PALM2AKAP2: variants seen among roughly 807,000 people sequenced by gnomAD.
PALM2AKAP2 encodes the protein PALM2 and AKAP2 fusion.
A neutral mutation model predicts 71.5 loss-of-function variants in PALM2AKAP2; 37 were observed. The observed-to-expected ratio is 0.52, with a 90% CI of 0.40 to 0.68. PALM2AKAP2 has a LOEUF of 0.68. PALM2AKAP2 is among the 30% of genes least tolerant of loss of function. PALM2AKAP2 has a pLI of 0.00. For synonymous variants in PALM2AKAP2, 468 were observed against 478.8 expected, an observed-to-expected ratio of 0.98 and a Z score of 0.29; for missense variants, 1,224 against 1,191.8, an observed-to-expected ratio of 1.03 and a Z score of -0.40.
chr9:110,094,980 GCCT>G (rs1179140698), intron 1 of PALM2AKAP2, among the ~76,000 whole-genome samples: 1 of 152,210 alleles, frequency 6.6e-6, no homozygotes, highest in Admixed American at 6.5e-5. Context: ...CTATTTGGCT[GCCT>G]CTGGCAAAAA....
At chr9:109,842,575 A>G (rs1828726945) in intron 1 of PALM2AKAP2, among the ~76,000 whole-genome samples, 1 of 152,214 alleles carries the variant, frequency 6.6e-6, no homozygotes, top group African/African-American at 2.4e-5. Flanking sequence ...TCTATAATGA[A>G]CAATATCCAC....
At chr9:109,781,527 T>C (rs1401472908) in intron 1 of PALM2AKAP2, among the ~76,000 whole-genome samples, 1 of 152,248 alleles carries the variant, frequency 6.6e-6, no homozygotes, top group Non-Finnish European at 1.5e-5. Flanking sequence ...GGAGAAATAG[T>C]GTGTAATGTT....
At chr9:109,790,462 T>G (rs1325312860) in intron 1 of PALM2AKAP2, among the ~76,000 whole-genome samples, 1 of 152,228 alleles carries the variant, frequency 6.6e-6, no homozygotes, top group Non-Finnish European at 1.5e-5. Flanking sequence ...AAAAACATGC[T>G]TGAAAACTTA....
intron 3 of PALM2AKAP2, among the ~76,000 whole-genome samples, chr9:109,881,175 G>C (rs1829840355): frequency 6.6e-6 from 1 of 152,150 alleles, no homozygotes. Context: ...TAAGGATAAT[G>C]GCCTCCACCT....
chr9:110,143,868 T>C (rs1250594497), intron 2 of PALM2AKAP2, among the ~76,000 whole-genome samples: 1 of 152,260 alleles, frequency 6.6e-6, no homozygotes, highest in African/African-American at 2.4e-5. Context: ...TGTCTTCTAA[T>C]TTGTGGAAAG....
intron 1 of PALM2AKAP2, among the ~76,000 whole-genome samples, chr9:109,718,120 G>A (rs778689664): frequency 3.3e-5 from 5 of 151,094 alleles, no homozygotes; most frequent in African/African-American, 4.9e-5. Context: ...TCATTCTGTC[G>A]CCCAGGCTGG....
intron 1 of PALM2AKAP2, among the ~76,000 whole-genome samples, chr9:110,105,670 A>G (rs1048351405): frequency 3.9e-5 from 6 of 152,228 alleles, no homozygotes; most frequent in African/African-American, 1.4e-4. Flanking sequence ...AGCTAATGAG[A>G]TGCCTAAGTA....
chr9:109,708,172 T>C lies in PALM2AKAP2; in HGVS notation c.5+67306T>C, dbSNP rs143967954. ...AACAGCTGATGATGACTCCCTACTG[T>C]TTAGGTGATCAGACCTCAGGAAGGT... On this transcript the variant is annotated intron_variant, in intron 1 of 6. Transcript: ENST00000374531. 4.8e-3 allele frequency among the ~76,000 whole-genome samples: 735 copies of C among 152,336 alleles called. 7 individuals carry two copies. Among genetic ancestry groups the C allele is most frequent in the African/African-American group, 0.017 (705 of 41,570 alleles).
At chr9:110,088,712 T>G (rs397832364) in intron 1 of PALM2AKAP2, among the ~76,000 whole-genome samples, 7,963 of 79,714 alleles carry the variant, frequency 0.1, 485 homozygotes, top group South Asian at 0.13. Flanking sequence ...TGTTTTTTTT[T>G]TTTTTTTTTT....
chr9:109,697,602 T>C (rs527257830), intron 1 of PALM2AKAP2, among the ~76,000 whole-genome samples: 10 of 152,298 alleles, frequency 6.6e-5, no homozygotes, highest in East Asian at 1.9e-4. Context: ...ATATCATTTA[T>C]CAGAAATATT....
chr9:109,887,555 G>A (rs1172516028), intron 3 of PALM2AKAP2, among the ~76,000 whole-genome samples: 1 of 151,986 alleles, frequency 6.6e-6, no homozygotes, highest in Non-Finnish European at 1.5e-5. Context: ...TCTGGGTAGC[G>A]GCCTAGCTTT....
chr9:109,863,595 G>A (rs1829369816), intron 1 of PALM2AKAP2, among the ~76,000 whole-genome samples: 1 of 152,300 alleles, frequency 6.6e-6, no homozygotes, highest in South Asian at 2.1e-4. Flanking sequence ...CCTGGTTAAG[G>A]GAAGGAGAAA....
chr9:109,847,130 G>GT (rs1828878448), intron 1 of PALM2AKAP2, among the ~76,000 whole-genome samples: 2 of 146,318 alleles, frequency 1.4e-5, no homozygotes, highest in African/African-American at 4.9e-5. Context: ...TTGGAAGAGG[G>GT]GTTTTTTTTT....
chr9:109,641,866 C>T (rs998126424), intron 1 of PALM2AKAP2, among the ~76,000 whole-genome samples: 1 of 152,182 alleles, frequency 6.6e-6, no homozygotes, highest in Non-Finnish European at 1.5e-5. Flanking sequence ...TATCCCTCTG[C>T]GTATCTGATT....
intron 1 of PALM2AKAP2, among the ~76,000 whole-genome samples, chr9:110,074,584 A>T (rs76308547): frequency 0.013 from 2,025 of 152,354 alleles, 36 homozygotes; most frequent in African/African-American, 0.047. Context: ...TTGAAGTATT[A>T]GGAATAACGA....
chr9:109,730,726 G>C (rs937507596), intron 1 of PALM2AKAP2, among the ~76,000 whole-genome samples: 2 of 152,086 alleles, frequency 1.3e-5, no homozygotes, highest in Non-Finnish European at 2.9e-5. Context: ...AGTCCTTAAG[G>C]AATGATAATC....
chr9:109,742,251 TCACACA>T (rs72323941), intron 1 of PALM2AKAP2, among the ~76,000 whole-genome samples: 5,141 of 145,302 alleles, frequency 0.035, 105 homozygotes, highest in Non-Finnish European at 0.05. Flanking sequence ...TGTGATGTAT[TCACACA>T]CACACACACA....
exon 6 of PALM2AKAP2, chr9:109,931,927 A>G: frequency 6.2e-7 from 1 of 1,613,872 alleles, no homozygotes; most frequent in East Asian, 2.2e-5. Flanking sequence ...CTGCTACCAG[A>G]TGCAGTAAAT....
At chr9:109,735,314 T>C (rs1414307900) in intron 1 of PALM2AKAP2, among the ~76,000 whole-genome samples, 1 of 151,468 alleles carries the variant, frequency 6.6e-6, no homozygotes, top group Non-Finnish European at 1.5e-5. Context: ...CTCCTAGCAC[T>C]GTAGGGAAGG....
Sources: allele counts gnomAD v4.1 joint callset (sites outside exome capture counted in the v4.1 genomes callset), GRCh38; gene constraint gnomAD v4.1.1; transcripts MANE v1.5; gene names NCBI Gene and HGNC (gene_info 2026-07-23, HGNC 2026-07-21).